CCNJL: variants seen among roughly 807,000 people sequenced by gnomAD.
CCNJL encodes cyclin J like.
A neutral mutation model predicts 33.4 loss-of-function variants in CCNJL; 33 were observed. That is an observed-to-expected ratio of 0.99 (90% confidence interval 0.75 to 1.32). CCNJL has a LOEUF of 1.32. CCNJL is among the 40% of genes most tolerant of loss of function. The pLI, the probability that CCNJL is intolerant of heterozygous loss-of-function variation, is 0.00. For synonymous variants in CCNJL, 227 were observed against 220.9 expected, an observed-to-expected ratio of 1.03 and a Z score of -0.24; for missense variants, 512 against 499.7, an observed-to-expected ratio of 1.02 and a Z score of -0.23.
At position 160,255,805 on chromosome 5, in the gene CCNJL, G is replaced by T. The variant is rs1761040825; in HGVS notation, c.584-97C>A. 5.1e-6 allele frequency: 5 copies of T among 984,908 alleles called. No individual in the cohort carries two copies. The Admixed American group carries it at 8.8e-5, about 17-fold the overall frequency. The allele number at this position is 984,908 out of a possible 1,614,324, so 61.0% of individuals were successfully genotyped here. ...GATGGACAAATGAATCGCTTTCAAG[G>T]CTTTTCATCGCTGCCCTACAAATAG... is the stretch of plus-strand genomic sequence containing the variant. On this transcript the variant is annotated intron_variant, in intron 4 of 5. Coordinates refer to ENST00000257536, the MANE Select transcript of CCNJL (RefSeq NM_001308173.3).
intron 3 of CCNJL, among the ~76,000 whole-genome samples, chr5:160,268,828 T>G (rs1761713824): frequency 6.6e-6 from 1 of 152,160 alleles, no homozygotes; most frequent in African/African-American, 2.4e-5. Flanking sequence ...AGACCTGGTG[T>G]GAAGGTGGAT....
rs1164884534 is a variant in CCNJL, at chr5:160,253,487, C to T, written c.1055G>A (p.Ser352Asn). The T allele has an allele frequency of 1.4e-5, 22 of 1,613,968 alleles. No homozygotes were observed. Among genetic ancestry groups the T allele is most frequent in the Non-Finnish European group, 1.8e-5 (21 of 1,180,002 alleles). ...CTCAGCTGCAATGGCCATATGCATG[C>T]TAAGGGATGCAGGGACGGGCACGGG... is the stretch of plus-strand genomic sequence containing the variant. ...MCPVPVPASLSMHMAIAAEPR... is the reference protein window; with the variant it reads ...MCPVPVPASLNMHMAIAAEPR... Residue 352 changes from serine (S) to asparagine (N), a missense_variant, in exon 6 of 6, where the codon AGC becomes AAC. Coordinates refer to ENST00000257536, the MANE Select transcript of CCNJL (RefSeq NM_001308173.3).
chr5:160,280,486 A>C lies in CCNJL; in HGVS notation c.280+39T>G, dbSNP rs759706153. ...AGCCAGGCGCACTGAGCGGGAGGAG[A>C]CCGCACAAGCGCGGAGGAAGACGTA... is the stretch of plus-strand genomic sequence containing the variant. On this transcript the variant is annotated intron_variant, in intron 3 of 5. Transcript: ENST00000257536. 13 of 1,500,030 alleles carry C rather than the reference A, an allele frequency of 8.7e-6. No individual in the cohort carries two copies. The South Asian group carries it at 1.4e-4, about 16-fold the overall frequency. 92.9% of individuals were successfully genotyped at this position (1,500,030 alleles called of 1,614,324 possible). A position where few individuals can be genotyped will look rare whatever the true frequency, so the allele number is the denominator to read the frequency against.
chr5:160,290,019 C>T (rs1258405876), intron 2 of CCNJL, among the ~76,000 whole-genome samples: 1 of 152,174 alleles, frequency 6.6e-6, no homozygotes, highest in Non-Finnish European at 1.5e-5. Context: ...TCAGCATGTG[C>T]TCTTCACACA....
chr5:160,282,200 CTCAT>C (rs370470217), intron 2 of CCNJL, among the ~76,000 whole-genome samples: 359 of 152,254 alleles, frequency 2.4e-3, no homozygotes, highest in Non-Finnish European at 3.9e-3. Flanking sequence ...GGGATATCTG[CTCAT>C]TCATTCATTC....
chr5:160,333,925 G>C (rs1052908917), intron 1 of CCNJL, among the ~76,000 whole-genome samples: 13 of 152,038 alleles, frequency 8.6e-5, no homozygotes, highest in Admixed American at 7.9e-4. Flanking sequence ...TGGTGATTTT[G>C]CTGTCTTGGT....
chr5:160,292,623 G>A (rs1216743158), intron 2 of CCNJL, among the ~76,000 whole-genome samples: 6 of 151,830 alleles, frequency 4.0e-5, no homozygotes, highest in African/African-American at 9.7e-5. Context: ...TGTCTCTAAC[G>A]TGTATGTATA....
At chr5:160,321,817 C>A (rs1451557694) in intron 1 of CCNJL, among the ~76,000 whole-genome samples, 7 of 152,036 alleles carry the variant, frequency 4.6e-5, no homozygotes, top group African/African-American at 1.5e-4. Context: ...CGAGACGGTG[C>A]CACTGCACTC....
intron 4 of CCNJL, chr5:160,258,329 G>A (rs1177056475): frequency 1.3e-6 from 1 of 763,702 alleles, no homozygotes; most frequent in Non-Finnish European, 2.4e-6. Context: ...AACGCCACAG[G>A]ATTCAATAAA....
upstream of CCNJL, among the ~76,000 whole-genome samples, chr5:160,317,786 C>T (rs139691782): frequency 1.9e-3 from 296 of 152,270 alleles, 3 homozygotes; most frequent in African/African-American, 6.6e-3. Flanking sequence ...TCCTCTCTCA[C>T]GATTCTGGGT....
chr5:160,301,550 C>T (rs529919502), intron 2 of CCNJL, among the ~76,000 whole-genome samples: 9 of 151,686 alleles, frequency 5.9e-5, no homozygotes, highest in Non-Finnish European at 1.3e-4. Context: ...TCTTCTGCCT[C>T]GGCTTCCTGA....
chr5:160,324,348 G>T (rs561020703), intron 1 of CCNJL, among the ~76,000 whole-genome samples: 1 of 152,084 alleles, frequency 6.6e-6, no homozygotes. Context: ...CGAGGCAGGC[G>T]GATCACCTGA....
Position 160,280,424 on chromosome 5 carries a change from G to A in CCNJL, c.280+101C>T, listed in dbSNP as rs113663832. On this transcript the variant is annotated intron_variant, in intron 3 of 5. Coordinates refer to ENST00000257536, the MANE Select transcript of CCNJL (RefSeq NM_001308173.3). ...TCAGTGAAGGATGAACATATAAGAC[G>A]TGCAAAGATCGTCAAAATGTAAAGT... The A allele has an allele frequency of 1.0e-3, 935 of 938,310 alleles. 3 individuals are homozygous for A. The highest frequency in any genetic ancestry group is 1.3e-3 in the Non-Finnish European group (779 of 601,512). The allele number at this position is 938,310 out of a possible 1,614,324, so 58.1% of individuals were successfully genotyped here.
chr5:160,263,169 TAAATACTGG>T (rs1193400717), intron 3 of CCNJL, among the ~76,000 whole-genome samples: 1 of 152,216 alleles, frequency 6.6e-6, no homozygotes, highest in Non-Finnish European at 1.5e-5. Context: ...ATTCTGTCTG[TAAATACTGG>T]TTTTGTTAGA....
chr5:160,302,658 A>G (rs1762959104), intron 2 of CCNJL, among the ~76,000 whole-genome samples: 1 of 152,072 alleles, frequency 6.6e-6, no homozygotes, highest in African/African-American at 2.4e-5. Context: ...CTAAAAATAC[A>G]AAAATTAGCT....
rs767353761 is a variant in CCNJL, at chr5:160,253,422, A to G, written c.1120T>C (p.Phe374Leu). The change falls in exon 6 of 6, where the codon TTC becomes CTC. Residue 374 changes from phenylalanine (F) to leucine (L), a missense_variant. Phe to Leu is a conservative substitution (Grantham distance 22). Transcript: ENST00000257536. ...CLATTYGSSY[F>L]SGSHMFPTGC... Reference sequence around the variant, plus strand: ...GTGGGGAACATGTGGCTCCCACTGAAGTAGCTGCTTCCATAGGTGGTGGCG... The same window carrying G: ...GTGGGGAACATGTGGCTCCCACTGAGGTAGCTGCTTCCATAGGTGGTGGCG... The G allele has an allele frequency of 6.2e-6, 10 of 1,604,888 alleles. No homozygotes were observed. Among genetic ancestry groups the G allele is most frequent in the Non-Finnish European group, 7.7e-6 (9 of 1,174,264 alleles).
intron 2 of CCNJL, among the ~76,000 whole-genome samples, chr5:160,304,757 G>A (rs372991005): frequency 2.0e-4 from 30 of 152,210 alleles, no homozygotes; most frequent in Admixed American, 7.2e-4. Context: ...AAAACCAAGC[G>A]GAGGATGACC....
chr5:160,305,436 T>C (rs12658296), intron 2 of CCNJL, among the ~76,000 whole-genome samples: 39,909 of 151,906 alleles, frequency 0.26, 5,410 homozygotes, highest in Non-Finnish European at 0.28. Context: ...ACAGGTGAGG[T>C]CCAGGCATGG....
intron 2 of CCNJL, among the ~76,000 whole-genome samples, chr5:160,288,588 C>A: frequency 6.6e-6 from 1 of 151,854 alleles, no homozygotes; most frequent in East Asian, 1.9e-4. Context: ...AAAGAATAAC[C>A]AGCCAGGTGT....
Sources: gnomAD v4.1 joint callset for allele counts (sites outside exome capture counted in the v4.1 genomes callset) on GRCh38, gnomAD v4.1.1 for gene constraint, MANE v1.5 for transcripts, NCBI Gene and HGNC (gene_info 2026-07-23, HGNC 2026-07-21) for gene names.